PRELID2: variants seen among roughly 807,000 people sequenced by gnomAD.
PRELID2 encodes the protein PRELI domain-containing protein 2.
Under a neutral mutation model 28.4 loss-of-function variants are expected in PRELID2, and 25 were observed. That is an observed-to-expected ratio of 0.88 (90% CI 0.64 to 1.23). The LOEUF (loss-of-function observed/expected upper bound fraction) is 1.23. PRELID2 is among the 50% of genes most tolerant of loss of function. The probability of loss-of-function intolerance (pLI) is 0.00; values close to 1 mark genes in which losing one functional copy is unlikely to be tolerated. For missense variants in PRELID2, 201 were observed against 214.4 expected (o/e 0.94, Z 0.39); for synonymous variants, 76 against 71.6 (o/e 1.06, Z -0.31).
chr5:145,697,033 TTATATATATA>T (rs36117637), intron 1 of PRELID2, among the ~76,000 whole-genome samples: 1,632 of 50,582 alleles, frequency 0.032, 42 homozygotes, highest in South Asian at 0.039. Context: ...GAGAGGAAAA[TTATATATATA>T]TATATATATA....
At chr5:145,286,799 G>A in the PRELID2 span, among the ~76,000 whole-genome samples, 1 of 145,110 alleles carries the variant, frequency 6.9e-6, no homozygotes, top group African/African-American at 2.6e-5. Context: ...TCAGCTCACT[G>A]CAACCTCTAC....
At chr5:145,771,074 C>T (rs1262980312) in intron 5 of PRELID2, among the ~76,000 whole-genome samples, 2 of 152,164 alleles carry the variant, frequency 1.3e-5, no homozygotes, top group Non-Finnish European at 2.9e-5. Context: ...AGAGCAACTT[C>T]CAGTCCCGCA....
the PRELID2 span, among the ~76,000 whole-genome samples, chr5:145,281,525 G>T: frequency 6.6e-6 from 1 of 152,172 alleles, no homozygotes; most frequent in East Asian, 1.9e-4. Context: ...CATGTTACCT[G>T]CCTGGGTTAA....
At position 145,741,796 on chromosome 5, in the gene PRELID2, A is replaced by T. The variant is rs186176062; in HGVS notation, n.70+23135T>A. The stretch of plus-strand genomic sequence containing the variant: ...AATAAAATTTATTTATAAAGTATTT[A>T]TATATAAATTTATTTATAAATATAC... On this transcript the variant is annotated intron_variant and non_coding_transcript_variant, in intron 1 of 2. Transcript: ENST00000510259. Among the ~76,000 whole-genome samples the T allele has an allele frequency of 1.2e-4, 14 of 115,822 alleles. 4 individuals carry two copies. Among genetic ancestry groups the T allele is most frequent in the African/African-American group, 3.7e-4 (10 of 27,078 alleles). 76.0% of individuals were successfully genotyped at this position (115,822 alleles called of 152,430 possible). A position where few individuals can be genotyped will look rare whatever the true frequency, so the allele number is the denominator to read the frequency against.
At chr5:145,279,285 T>C in the PRELID2 span, among the ~76,000 whole-genome samples, 5 of 152,322 alleles carry the variant, frequency 3.3e-5, no homozygotes, top group East Asian at 9.6e-4. Flanking sequence ...ATTGCCAGGT[T>C]TCTTTTCCCA....
chr5:145,697,080 T>TATATATATATACAC (rs1554084239), intron 1 of PRELID2, among the ~76,000 whole-genome samples: 1 of 85,960 alleles, frequency 1.2e-5, no homozygotes, highest in African/African-American at 5.1e-5. Context: ...TATATATATA[T>TATATATATATACAC]ACACACACAC....
Position 145,706,134 on chromosome 5 carries a change from A to T in PRELID2, n.70+58797T>A, listed in dbSNP as rs142976833. On this transcript the variant is annotated intron_variant and non_coding_transcript_variant, in intron 1 of 2. Coordinates refer to the PRELID2 transcript ENST00000510259. Reference sequence around the variant, plus strand: ...AAAAAGGTTAAGTCATAAAGTGTAGATGAAAGACAAAGAAGGAGGCAGGAA... The same window carrying T: ...AAAAAGGTTAAGTCATAAAGTGTAGTTGAAAGACAAAGAAGGAGGCAGGAA... Among the ~76,000 whole-genome samples, 406 of 152,328 alleles carry T rather than the reference A, an allele frequency of 2.7e-3. 3 individuals carry two copies. The highest frequency in any genetic ancestry group is 9.4e-3 in the African/African-American group (392 of 41,578).
intron 1 of PRELID2, among the ~76,000 whole-genome samples, chr5:145,559,844 A>G (rs1752911690): frequency 6.6e-6 from 1 of 152,020 alleles, no homozygotes; most frequent in Non-Finnish European, 1.5e-5. Context: ...GGTAAAAAAA[A>G]AAAAAAAGAA....
the PRELID2 span, among the ~76,000 whole-genome samples, chr5:145,332,603 T>G: frequency 8.7e-4 from 132 of 152,064 alleles, 1 homozygote; most frequent in African/African-American, 3.1e-3. Context: ...TCATGCTGTG[T>G]TATTCAGCTA....
chr5:145,459,826 T>C, the PRELID2 span, among the ~76,000 whole-genome samples: 1 of 151,848 alleles, frequency 6.6e-6, no homozygotes, highest in Non-Finnish European at 1.5e-5. Flanking sequence ...TTTTTTTTTT[T>C]TTTGACAGAG....
the PRELID2 span, among the ~76,000 whole-genome samples, chr5:145,453,371 T>G: frequency 6.6e-6 from 1 of 152,198 alleles, no homozygotes; most frequent in Non-Finnish European, 1.5e-5. Flanking sequence ...TGTTTTCAAG[T>G]GCATTAGAGC....
chr5:145,612,087 G>A (rs986892561), intron 1 of PRELID2, among the ~76,000 whole-genome samples: 1 of 152,052 alleles, frequency 6.6e-6, no homozygotes, highest in African/African-American at 2.4e-5. Context: ...ACATCCATAT[G>A]TAAAAAAATT....
At chr5:145,365,785 T>C in the PRELID2 span, among the ~76,000 whole-genome samples, 1 of 151,930 alleles carries the variant, frequency 6.6e-6, no homozygotes, top group Non-Finnish European at 1.5e-5. Flanking sequence ...TAGGACAAGA[T>C]GATCTTTCAG....
At chr5:145,360,283 G>T in the PRELID2 span, among the ~76,000 whole-genome samples, 3 of 152,170 alleles carry the variant, frequency 2.0e-5, no homozygotes, top group Admixed American at 2.0e-4. Flanking sequence ...CAGGAGGAAG[G>T]CAGTCCTGAC....
the PRELID2 span, among the ~76,000 whole-genome samples, chr5:145,436,305 G>A: frequency 6.6e-6 from 1 of 152,028 alleles, no homozygotes; most frequent in Non-Finnish European, 1.5e-5. Context: ...ATGTATACAG[G>A]TATCACATTT....
At chr5:145,229,166 C>T in the PRELID2 span, 1 of 945,470 alleles carries the variant, frequency 1.1e-6, no homozygotes, top group Non-Finnish European at 1.7e-6. Context: ...CCCACAGCCC[C>T]ACAAGAAAGG....
Position 145,817,206 on chromosome 5 carries a change from A to ATAT in PRELID2, c.368+687_368+688insATA, listed in dbSNP as rs1423577359. Among the ~76,000 whole-genome samples the ATAT allele has an allele frequency of 1.5e-3, 93 of 62,828 alleles. 2 individuals carry two copies. The highest frequency in any genetic ancestry group is 2.5e-3 in the Non-Finnish European group (62 of 24,576). The allele number at this position is 62,828 out of a possible 152,430, so 41.2% of individuals were successfully genotyped here. A position where few individuals can be genotyped will look rare whatever the true frequency, so the allele number is the denominator to read the frequency against. On this transcript the variant is annotated intron_variant, in intron 4 of 6. Coordinates refer to ENST00000683046, the MANE Select transcript of PRELID2 (RefSeq NM_205846.3). Reference sequence around the variant, plus strand: ...ACTGCATTTCAAAAAAAAATAAATAAATAAATAAAAAAAAATATATATATA... The same window carrying ATAT: ...ACTGCATTTCAAAAAAAAATAAATAATATATAAATAAAAAAAAATATATATATA...
chr5:145,354,170 T>A, the PRELID2 span, among the ~76,000 whole-genome samples: 1 of 151,340 alleles, frequency 6.6e-6, no homozygotes, highest in East Asian at 1.9e-4. Flanking sequence ...ATCCTACCTC[T>A]AGAAATAACA....
At chr5:145,375,382 C>T in the PRELID2 span, among the ~76,000 whole-genome samples, 1 of 152,082 alleles carries the variant, frequency 6.6e-6, no homozygotes. Flanking sequence ...CAAGGGGCAC[C>T]AATCTGATGC....
Sources: allele counts gnomAD v4.1 joint callset (sites outside exome capture counted in the v4.1 genomes callset), GRCh38; gene constraint gnomAD v4.1.1; transcripts MANE v1.5; gene names NCBI Gene and HGNC (gene_info 2026-07-23, HGNC 2026-07-21).